Variants in TBC1D30 observed in about 807,000 individuals in gnomAD.
The protein encoded by TBC1D30 is TBC1 domain family member 30, also known as TBC1 domain family, member 30.
In TBC1D30, 31 loss-of-function variants were observed where a neutral mutation model predicts 63.2. That is an observed-to-expected ratio of 0.49 (90% CI 0.37 to 0.66). The LOEUF is 0.66. Ranked by LOEUF, TBC1D30 falls within the 30% of genes least tolerant of loss-of-function variation. The pLI is 0.00. For synonymous variants in TBC1D30, 307 were observed against 361.5 expected (o/e 0.85, Z 1.71); for missense variants, 810 against 953.6 (o/e 0.85, Z 1.98).
At chr12:64,800,947 A>G (rs1392555413) in intron 2 of TBC1D30, among the ~76,000 whole-genome samples, 1 of 152,172 alleles carries the variant, frequency 6.6e-6, no homozygotes, top group Non-Finnish European at 1.5e-5. Context: ...CAGCAAGGAT[A>G]TTAGAGTCAT....
Position 64,876,594 on chromosome 12 carries a change from G to A in TBC1D30, c.*806G>A. ...CCTCAGTGGTACGGATGACTTGATG[G>A]GCTCCATGCGGAGCCTGGCCTGCAT... On this transcript the variant is annotated 3_prime_UTR_variant, in exon 12 of 12. Coordinates refer to ENST00000539867, the MANE Select transcript of TBC1D30 (RefSeq NM_015279.2). The A allele has an allele frequency of 2.9e-6, 1 of 348,590 alleles. No individual in the cohort carries two copies. Among genetic ancestry groups the A allele is most frequent in the South Asian group, 2.2e-5 (1 of 45,744 alleles). The allele number at this position is 348,590 out of a possible 1,614,324, so 21.6% of individuals were successfully genotyped here.
At chr12:64,874,891 G>A in intron 11 of TBC1D30, 110 bp from the exon 12 acceptor site, 2 of 1,031,306 alleles carry the variant, frequency 1.9e-6, no homozygotes, top group Non-Finnish European at 2.8e-6. Flanking sequence ...GGGAACACAT[G>A]GGAAGGGATG....
intron 8 of TBC1D30, among the ~76,000 whole-genome samples, chr12:64,859,704 G>A (rs568649922): frequency 7.9e-5 from 12 of 152,260 alleles, no homozygotes; most frequent in African/African-American, 2.9e-4. Flanking sequence ...AGGAGGATGG[G>A]TTCATTTTCA....
intron 1 of TBC1D30, among the ~76,000 whole-genome samples, chr12:64,784,169 T>A (rs12424170): frequency 0.01 from 1,545 of 152,198 alleles, 10 homozygotes; most frequent in Non-Finnish European, 0.017. Flanking sequence ...TAATTCCTTA[T>A]TTTTACTTAA....
rs753514605 is a variant in TBC1D30, at chr12:64,836,523, G to A, written c.628G>A (p.Glu210Lys). 20 of 1,535,420 alleles carry A rather than the reference G, an allele frequency of 1.3e-5. 1 individual carries two copies. In the African/African-American group the frequency reaches 1.8e-4, roughly 14 times the overall value. ...TTACCTTATTGATAAGGTACTTCCCGAAAGCTATTTCGTCAATAATCTCCG... is the reference window on the plus strand; with the variant it reads ...TTACCTTATTGATAAGGTACTTCCCAAAAGCTATTTCGTCAATAATCTCCG... ...MIYLIDKVLP[E>K]SYFVNNLRAL... The change falls in exon 6 of 12, where the codon GAA (glutamate) becomes AAA (lysine). Residue 210 changes from glutamate (E) to lysine (K), a missense_variant. Coordinates refer to ENST00000539867, the MANE Select transcript of TBC1D30 (RefSeq NM_015279.2).
intron 2 of TBC1D30, among the ~76,000 whole-genome samples, chr12:64,807,504 G>A (rs1208554031): frequency 1.3e-5 from 2 of 152,126 alleles, no homozygotes; most frequent in Non-Finnish European, 2.9e-5. Context: ...CTACTGAAGT[G>A]TACACACAAA....
intron 9 of TBC1D30, among the ~76,000 whole-genome samples, chr12:64,865,974 A>AT (rs1354268882): frequency 6.6e-6 from 1 of 152,036 alleles, no homozygotes; most frequent in Non-Finnish European, 1.5e-5. Flanking sequence ...GGCTCAAGTG[A>AT]TTTTCCCACC....
chr12:64,857,193 A>G (rs1214916464), intron 8 of TBC1D30, among the ~76,000 whole-genome samples: 4 of 152,036 alleles, frequency 2.6e-5, no homozygotes, highest in Non-Finnish European at 4.4e-5. Context: ...ACAGCTGGAA[A>G]TATGCTGGGT....
At chr12:64,853,633 G>C in intron 8 of TBC1D30, among the ~76,000 whole-genome samples, 1 of 152,168 alleles carries the variant, frequency 6.6e-6, no homozygotes, top group East Asian at 1.9e-4. Flanking sequence ...GGCACCCGAG[G>C]GAATCTCCTG....
chr12:64,856,893 G>A (rs576446289), intron 8 of TBC1D30, among the ~76,000 whole-genome samples: 1 of 152,120 alleles, frequency 6.6e-6, no homozygotes. Context: ...TCCATAGGGG[G>A]TTCTGCTGGG....
At chr12:64,835,819 G>T (rs17100718) in intron 5 of TBC1D30, among the ~76,000 whole-genome samples, 4,616 of 152,252 alleles carry the variant, frequency 0.03, 109 homozygotes, top group Non-Finnish European at 0.044. Flanking sequence ...GTATGTGTTT[G>T]GCTGGGTCAT....
upstream of TBC1D30, among the ~76,000 whole-genome samples, chr12:64,778,186 A>G (rs904603696): frequency 1.3e-5 from 2 of 152,230 alleles, no homozygotes; most frequent in East Asian, 3.9e-4. Flanking sequence ...CTAGGATTAT[A>G]TTTACTAAAG....
At chr12:64,865,074 A>G (rs1307474129) in intron 9 of TBC1D30, among the ~76,000 whole-genome samples, 1 of 151,994 alleles carries the variant, frequency 6.6e-6, no homozygotes, top group Non-Finnish European at 1.5e-5. Context: ...CCTGTATACA[A>G]GTACACAGAT....
intron 11 of TBC1D30, among the ~76,000 whole-genome samples, chr12:64,871,060 T>C (rs1213411275): frequency 1.3e-5 from 2 of 152,196 alleles, no homozygotes; most frequent in East Asian, 3.9e-4. Context: ...ACGTCTCTAC[T>C]GTGTGTGCTG....
upstream of TBC1D30, among the ~76,000 whole-genome samples, chr12:64,775,664 C>T (rs1195302742): frequency 6.6e-6 from 1 of 152,160 alleles, no homozygotes; most frequent in Non-Finnish European, 1.5e-5. Flanking sequence ...GACTTAGAGT[C>T]CCACACAATA....
chr12:64,861,083 C>G (rs1397324801), intron 8 of TBC1D30, among the ~76,000 whole-genome samples: 1 of 152,138 alleles, frequency 6.6e-6, no homozygotes, highest in Admixed American at 6.5e-5. Flanking sequence ...CAGAAGAATC[C>G]TAGAGGGAGA....
chr12:64,852,579 T>A (rs1479766256), intron 8 of TBC1D30, among the ~76,000 whole-genome samples: 1 of 152,164 alleles, frequency 6.6e-6, no homozygotes, highest in Non-Finnish European at 1.5e-5. Context: ...TGGTTTTTGG[T>A]ATTTTCGGTC....
At chr12:64,800,993 A>G (rs1872559508) in intron 2 of TBC1D30, among the ~76,000 whole-genome samples, 1 of 152,168 alleles carries the variant, frequency 6.6e-6, no homozygotes, top group South Asian at 2.1e-4. Context: ...GATGAGAACT[A>G]GGCTTGTTCT....
At chr12:64,829,673 G>T (rs2136366932) in intron 3 of TBC1D30, among the ~76,000 whole-genome samples, 1 of 152,282 alleles carries the variant, frequency 6.6e-6, no homozygotes, top group East Asian at 1.9e-4. Context: ...GTTTATTTCT[G>T]CTAAATCATG....
Sources: allele counts gnomAD v4.1 joint callset (sites outside exome capture counted in the v4.1 genomes callset), GRCh38; gene constraint gnomAD v4.1.1; transcripts MANE v1.5; gene names NCBI Gene and HGNC (gene_info 2026-07-23, HGNC 2026-07-21).